NATD1: variants seen among roughly 807,000 people sequenced by gnomAD.
NATD1 encodes the protein N-acetyltransferase domain containing 1.
A neutral mutation model predicts 12.0 loss-of-function variants in NATD1; 9 were observed. That is an observed-to-expected ratio of 0.75 (90% CI 0.45 to 1.30). NATD1 has a LOEUF of 1.30. Among genes scored for constraint, NATD1 ranks in the 50% most tolerant of loss-of-function variants. The pLI, the probability that NATD1 is intolerant of heterozygous loss-of-function variation, is 0.00. For synonymous variants in NATD1, 71 were observed against 65.9 expected, an observed-to-expected ratio of 1.08 and a Z score of -0.37; for missense variants, 148 against 148.5, an observed-to-expected ratio of 1.00 and a Z score of 0.02.
chr17:21,252,535 T>C (rs1567646792), intron 1 of NATD1, among the ~76,000 whole-genome samples: 1 of 152,140 alleles, frequency 6.6e-6, no homozygotes, highest in African/African-American at 2.4e-5. Flanking sequence ...GTGAGGCAAA[T>C]GGCCAGTCCC....
Position 21,244,007 on chromosome 17 carries a change from G to T in NATD1, c.225+99C>A. 1.9e-6 allele frequency: 2 copies of T among 1,073,480 alleles called. No homozygotes were observed. Among genetic ancestry groups the T allele is most frequent in the Non-Finnish European group, 1.3e-6 (1 of 747,888 alleles). 66.5% of individuals were successfully genotyped at this position (1,073,480 alleles called of 1,614,324 possible). A position where few individuals can be genotyped will look rare whatever the true frequency, so the allele number is the denominator to read the frequency against. On this transcript the variant is annotated intron_variant, in intron 2 of 2. Transcript: ENST00000611551. This position sits in a 1 kb window ranked among gnomAD's most constrained non-coding sequence, Gnocchi z 5.2. ...CCCAGAGAGGACCCAGGGCCAAGAAGCAGGCTGAAGTGGCCACCAGGGCCA... is the reference window on the plus strand; with the variant it reads ...CCCAGAGAGGACCCAGGGCCAAGAATCAGGCTGAAGTGGCCACCAGGGCCA...
intron 1 of NATD1, among the ~76,000 whole-genome samples, chr17:21,249,334 A>G (rs1243599386): frequency 2.0e-5 from 3 of 152,218 alleles, no homozygotes; most frequent in African/African-American, 7.2e-5. Context: ...CACCTCTGTA[A>G]GTAGAGCCTG....
In NATD1 at chr17:21,244,175, G is replaced by A. The variant is rs758761889; in HGVS notation, c.156C>T (p.Ile52=). The A allele has an allele frequency of 2.2e-5, 36 of 1,613,270 alleles. No homozygotes were observed. The Middle Eastern group carries it at 1.5e-3, about 67-fold the overall frequency. ...GGACCTCGGTGTGCTGCAGGTCCAC[G>A]ATCCGCTTGCCCACGTACTCATAGA... The part of the protein sequence containing the change: ...VLLYEYVGKR[I]VDLQHTEVPD... Residue 52 remains isoleucine (I), a synonymous_variant, in exon 2 of 3, where the codon ATC becomes ATT. Transcript: ENST00000611551. This position sits in a 1 kb window ranked among gnomAD's most constrained non-coding sequence, Gnocchi z 5.2.
intron 1 of NATD1, among the ~76,000 whole-genome samples, chr17:21,248,050 G>A (rs972018695): frequency 2.0e-5 from 3 of 152,064 alleles, no homozygotes; most frequent in South Asian, 2.1e-4. Flanking sequence ...GGGTGGCCAC[G>A]GTGGTGGTGG....
chr17:21,239,061 A>T lies in NATD1; in HGVS notation c.*4252T>A, dbSNP rs1198430990. The T allele has an allele frequency of 2.6e-5, 4 of 152,080 alleles. No homozygotes were observed. The highest frequency in any genetic ancestry group is 2.6e-4 in the Admixed American group (4 of 15,256). 9.4% of individuals were successfully genotyped at this position (152,080 alleles called of 1,614,324 possible). On this transcript the variant is annotated 3_prime_UTR_variant, in exon 3 of 3. Transcript: ENST00000611551. ...GTGGGACCCTGAGAATCGTAAAGGG[A>T]TATTTGGGTGGACTTGAGCAAATCC...
rs1444152525 is a variant in NATD1 at position 21,253,214 on chromosome 17, G to T, written c.51C>A (p.Cys17Ter). The T allele has an allele frequency of 9.9e-7, 1 of 1,007,610 alleles. No individual in the cohort carries two copies. Among genetic ancestry groups the T allele is most frequent in the Non-Finnish European group, 1.2e-6 (1 of 845,996 alleles). The allele number at this position is 1,007,610 out of a possible 1,614,324, so 62.4% of individuals were successfully genotyped here. The change falls in exon 1 of 3, where the codon TGC becomes TGA. Residue 17 changes from cysteine (C) to a stop codon, truncating the protein, a stop_gained. Transcript: ENST00000611551. LOFTEE classifies it high-confidence loss of function. ...AVPLGALEQG[C>*]PIRVEHDRRR... ...GGCGGTCGTGCTCCACGCGGATGGGGCAGCCCTGCTCCAGCGCGCCCAGCG... is the reference window on the plus strand; with the variant it reads ...GGCGGTCGTGCTCCACGCGGATGGGTCAGCCCTGCTCCAGCGCGCCCAGCG...
rs958699817 is a variant in NATD1 at position 21,247,878 on chromosome 17, T to A, written c.107-3654A>T. Among the ~76,000 whole-genome samples, 3 of 152,212 alleles carry A rather than the reference T, an allele frequency of 2.0e-5. No individual in the cohort carries two copies. In the East Asian group the frequency reaches 5.8e-4, roughly 29 times the overall value. On this transcript the variant is annotated intron_variant, in intron 1 of 2. Transcript: ENST00000611551. ...GGCTGACAGTGCTACCCTGGTGTCC[T>A]GCTGTCCCGTCATGGGTGCTGCGGG...
chr17:21,253,244 G>A lies in NATD1; in HGVS notation c.21C>T (p.Ala7=), dbSNP rs1357562743. 7.0e-6 allele frequency: 7 copies of A among 997,850 alleles called. No homozygotes were observed. Among genetic ancestry groups the A allele is most frequent in the African/African-American group, 5.3e-5 (3 of 56,950 alleles). 61.8% of individuals were successfully genotyped at this position (997,850 alleles called of 1,614,324 possible). The part of the protein sequence containing the change: MAHSAA[A]VPLGALEQGC... Reference sequence around the variant, plus strand: ...CCTGCTCCAGCGCGCCCAGCGGCACGGCGGCAGCCGAGTGCGCCATCTGCG... The same window carrying A: ...CCTGCTCCAGCGCGCCCAGCGGCACAGCGGCAGCCGAGTGCGCCATCTGCG... Residue 7 remains alanine (A), a synonymous_variant, in exon 1 of 3, where the codon GCC becomes GCT. Transcript: ENST00000611551.
chr17:21,247,141 C>G (rs1169159546), intron 1 of NATD1, among the ~76,000 whole-genome samples: 2 of 152,218 alleles, frequency 1.3e-5, no homozygotes, highest in Non-Finnish European at 2.9e-5. Flanking sequence ...TGGACCTGAC[C>G]CTGGGAGTCC....
Position 21,253,246 on chromosome 17 carries a change from CGGCAGCCG to C in NATD1, c.11_18del (p.Ser4CysfsTer33). 9 of 997,582 alleles carry C rather than the reference CGGCAGCCG, an allele frequency of 9.0e-6. No individual in the cohort carries two copies. Among genetic ancestry groups the C allele is most frequent in the Non-Finnish European group, 1.1e-5 (9 of 839,402 alleles). The allele number at this position is 997,582 out of a possible 1,614,324, so 61.8% of individuals were successfully genotyped here. ...TGCTCCAGCGCGCCCAGCGGCACGG[CGGCAGCCG>C]AGTGCGCCATCTGCGCGCGGGGCTG... On this transcript the variant is annotated frameshift_variant, in exon 1 of 3. Transcript: ENST00000611551. LOFTEE classifies it high-confidence loss of function.
At position 21,239,351 on chromosome 17, in the gene NATD1, C is replaced by T. The variant is rs1487496593; in HGVS notation, c.*3962G>A. 2 of 152,268 alleles carry T rather than the reference C, an allele frequency of 1.3e-5. No individual in the cohort carries two copies. Among genetic ancestry groups the T allele is most frequent in the Admixed American group, 6.5e-5 (1 of 15,282 alleles). 9.4% of individuals were successfully genotyped at this position (152,268 alleles called of 1,614,324 possible). A position where few individuals can be genotyped will look rare whatever the true frequency, so the allele number is the denominator to read the frequency against. On this transcript the variant is annotated 3_prime_UTR_variant, in exon 3 of 3. Coordinates refer to ENST00000611551, the MANE Select transcript of NATD1 (RefSeq NM_152914.3). The stretch of plus-strand genomic sequence containing the variant: ...TCATATCACACAAGCTTGATGCCAC[C>T]AAGAGGACGGGAGCTGGGCTGGGTC...
At position 21,242,650 on chromosome 17, in the gene NATD1, AC is replaced by A; in HGVS notation, c.*662del. 1 of 152,186 alleles carries A rather than the reference AC, an allele frequency of 6.6e-6. No individual in the cohort carries two copies. Among genetic ancestry groups the A allele is most frequent in the Non-Finnish European group, 1.5e-5 (1 of 68,254 alleles). The allele number at this position is 152,186 out of a possible 1,614,324, so 9.4% of individuals were successfully genotyped here. A position where few individuals can be genotyped will look rare whatever the true frequency, so the allele number is the denominator to read the frequency against. Reference sequence around the variant, plus strand: ...ATGGGGGTACCAAGGAGAGGAAAACACCCCCGGCACCCACCACCAGCCCGCC... The same window carrying A: ...ATGGGGGTACCAAGGAGAGGAAAACACCCCGGCACCCACCACCAGCCCGCC... On this transcript the variant is annotated 3_prime_UTR_variant, in exon 3 of 3. Transcript: ENST00000611551.
intron 1 of NATD1, among the ~76,000 whole-genome samples, chr17:21,245,574 A>C (rs1447474547): frequency 6.6e-6 from 1 of 152,068 alleles, no homozygotes; most frequent in African/African-American, 2.4e-5. Flanking sequence ...GAGTGGCTAC[A>C]ATTCATCTCC....
chr17:21,248,452 G>A (rs74578441), intron 1 of NATD1, among the ~76,000 whole-genome samples: 10,351 of 152,214 alleles, frequency 0.068, 744 homozygotes, highest in African/African-American at 0.18. Context: ...TGGCCTCCCT[G>A]CCTTGGTGGC....
rs148263863 is a variant in NATD1, at chr17:21,249,183, C to G, written c.106+3976G>C. Among the ~76,000 whole-genome samples the G allele has an allele frequency of 4.5e-3, 684 of 152,148 alleles. 9 individuals carry two copies. The highest frequency in any genetic ancestry group is 0.015 in the African/African-American group (638 of 41,508). ...TGACCTCTGCTTTCTCCACTCGGCC[C>G]ACACTGACCCCGCAAGGAGAGCTGG... is the stretch of plus-strand genomic sequence containing the variant. On this transcript the variant is annotated intron_variant, in intron 1 of 2. Transcript: ENST00000611551.
rs868393262 is a variant in NATD1 at position 21,244,208 on chromosome 17, G to T, written c.123C>A (p.Ala41=). ...TVRLNGCHDR[A]VLLYEYVGKR... is the part of the protein sequence containing the mutation. The stretch of plus-strand genomic sequence containing the variant: ...TGCCCACGTACTCATAGAGCAGGAC[G>T]GCCCGGTCATGACATCCTGGGGGTT... The change falls in exon 2 of 3, where the codon GCC becomes GCA. Residue 41 remains alanine, a synonymous_variant. Coordinates refer to ENST00000611551, the MANE Select transcript of NATD1 (RefSeq NM_152914.3). This position sits in a 1 kb window ranked among gnomAD's most constrained non-coding sequence, Gnocchi z 5.2. 45 of 1,611,674 alleles carry T rather than the reference G, an allele frequency of 2.8e-5. No homozygotes were observed. Among genetic ancestry groups the T allele is most frequent in the Non-Finnish European group, 3.7e-5 (44 of 1,179,096 alleles).
intron 1 of NATD1, among the ~76,000 whole-genome samples, chr17:21,252,868 C>A (rs971336010): frequency 1.8e-4 from 27 of 151,984 alleles, no homozygotes; most frequent in Admixed American, 1.3e-4. Context: ...TTTCCAGGGG[C>A]CCCTGTCCGC....
Position 21,243,015 on chromosome 17 carries a change from A to C in NATD1, c.*298T>G. ...GATCTCCAAGTGGAGCCCGGTGGGC[A>C]GGATGCAGGCTGGCTCTAGCCCCTA... is the stretch of plus-strand genomic sequence containing the variant. On this transcript the variant is annotated 3_prime_UTR_variant, in exon 3 of 3. Coordinates refer to ENST00000611551, the MANE Select transcript of NATD1 (RefSeq NM_152914.3). The C allele has an allele frequency of 3.7e-6, 1 of 271,776 alleles. No homozygotes were observed. Among genetic ancestry groups the C allele is most frequent in the Non-Finnish European group, 7.0e-6 (1 of 142,970 alleles). The allele number at this position is 271,776 out of a possible 1,614,324, so 16.8% of individuals were successfully genotyped here.
Position 21,243,282 on chromosome 17 carries a change from G to A in NATD1, c.*31C>T, listed in dbSNP as rs766092787. The A allele has an allele frequency of 3.2e-5, 50 of 1,586,510 alleles. No homozygotes were observed. In the Admixed American group the frequency reaches 5.7e-4, roughly 18 times the overall value. On this transcript the variant is annotated 3_prime_UTR_variant, in exon 3 of 3. Transcript: ENST00000611551. Reference sequence around the variant, plus strand: ...AGGCAAAGGCCACGTGGAAGAGTCCGGCAGGGAGCGCTCCCGCCTGCAGGC... The same window carrying A: ...AGGCAAAGGCCACGTGGAAGAGTCCAGCAGGGAGCGCTCCCGCCTGCAGGC...
Sources: gnomAD v4.1 joint callset for allele counts (sites outside exome capture counted in the v4.1 genomes callset) on GRCh38, gnomAD v4.1.1 for gene constraint, Gnocchi (gnomAD v3.1) non-coding constraint, MANE v1.5 for transcripts, NCBI Gene and HGNC (gene_info 2026-07-23, HGNC 2026-07-21) for gene names.